Variants in GATAD2B observed in about 807,000 individuals in gnomAD.
The protein encoded by GATAD2B is GATA zinc finger domain containing 2B.
Under a neutral mutation model 64.3 loss-of-function variants are expected in GATAD2B, and 8 were observed. That is an observed-to-expected ratio of 0.12 (90% CI 0.07 to 0.22). GATAD2B has a LOEUF of 0.22. Among genes scored for constraint, GATAD2B ranks in the 10% least tolerant of loss-of-function variants. The pLI, the probability that GATAD2B is intolerant of heterozygous loss-of-function variation, is 1.00. For synonymous variants in GATAD2B, 281 were observed against 271.3 expected (o/e 1.04, Z -0.35); for missense variants, 453 against 752.0 (o/e 0.60, Z 4.65).
rs1003920068 is a variant in GATAD2B at position 153,804,936 on chromosome 1, A to G, written c.*5241T>C. On this transcript the variant is annotated 3_prime_UTR_variant, in exon 11 of 11. Coordinates refer to ENST00000368655, the MANE Select transcript of GATAD2B (RefSeq NM_020699.4). ...TCTTAGTTTTTTCATTTTATTTCCC[A>G]AACACAATGCAGAAAATCAGAATGA... The G allele has an allele frequency of 1.6e-4, 25 of 152,314 alleles. No individual in the cohort carries two copies. Among genetic ancestry groups the G allele is most frequent in the African/African-American group, 5.3e-4 (22 of 41,454 alleles). The allele number at this position is 152,314 out of a possible 1,614,324, so 9.4% of individuals were successfully genotyped here. A position where few individuals can be genotyped will look rare whatever the true frequency, so the allele number is the denominator to read the frequency against.
chr1:153,881,269 T>C (rs1233391615), intron 1 of GATAD2B, among the ~76,000 whole-genome samples: 2 of 151,120 alleles, frequency 1.3e-5, no homozygotes, highest in Non-Finnish European at 2.9e-5. Context: ...AGGGGAGGGG[T>C]AGAGAGGGTA....
intron 1 of GATAD2B, among the ~76,000 whole-genome samples, chr1:153,830,594 GC>G (rs1675045969): frequency 6.8e-6 from 1 of 147,470 alleles, no homozygotes; most frequent in Non-Finnish European, 1.5e-5. Context: ...TCCTGCCTCA[GC>G]CTCCCAAGTA....
chr1:153,876,227 C>CA lies in GATAD2B; in HGVS notation c.-2+46505dup, dbSNP rs71093296. ...TGGGCAACACAGTGAGACTTCGTCT[C>CA]AAAAAAAAAAAAAAAAAAAAAAAAA... On this transcript the variant is annotated intron_variant, in intron 1 of 10. Transcript: ENST00000368655. Among the ~76,000 whole-genome samples, 319 of 48,424 alleles carry CA rather than the reference C, an allele frequency of 6.6e-3. 65 individuals are homozygous for CA. Among genetic ancestry groups the CA allele is most frequent in the Non-Finnish European group, 8.1e-3 (231 of 28,610 alleles). 31.8% of individuals were successfully genotyped at this position (48,424 alleles called of 152,430 possible).
intron 1 of GATAD2B, among the ~76,000 whole-genome samples, chr1:153,844,668 A>G (rs1403880410): frequency 6.7e-6 from 1 of 149,500 alleles, no homozygotes; most frequent in African/African-American, 2.5e-5. Flanking sequence ...AAGAACAAAA[A>G]ACCAAACACC....
chr1:153,822,726 T>C (rs1251672461), intron 2 of GATAD2B, among the ~76,000 whole-genome samples: 2 of 152,174 alleles, frequency 1.3e-5, no homozygotes, highest in African/African-American at 2.4e-5. Flanking sequence ...CTCAAACTCC[T>C]GACCTCGTGA....
intron 1 of GATAD2B, among the ~76,000 whole-genome samples, chr1:153,915,129 G>A (rs559443985): frequency 4.6e-5 from 7 of 152,084 alleles, no homozygotes; most frequent in South Asian, 4.2e-4. Flanking sequence ...AAGCTGAGGC[G>A]GGAGGATCAC....
intron 2 of GATAD2B, among the ~76,000 whole-genome samples, chr1:153,824,233 A>G (rs1674788234): frequency 7.4e-6 from 1 of 135,496 alleles, no homozygotes. Context: ...GCACTATGAC[A>G]GTGCTTGTGA....
intron 1 of GATAD2B, among the ~76,000 whole-genome samples, chr1:153,909,248 C>T (rs1359139423): frequency 6.6e-6 from 1 of 151,732 alleles, no homozygotes. Flanking sequence ...GAGTCTTGCT[C>T]TGTCGCCCAG....
At position 153,819,620 on chromosome 1, in the gene GATAD2B, A is replaced by T; in HGVS notation, c.451T>A (p.Leu151Ile). The stretch of plus-strand genomic sequence containing the variant: ...TTTCTTTTTACCTTAAACATCTCTA[A>T]GTTGGCTGCTTTGAGTCTTTCTTCC... ...RMEERLKAAN[L>I]EMFKGKGIEE... Residue 151 changes from leucine to isoleucine, a missense_variant, in exon 3 of 11, where the codon TTA becomes ATA. Leu to Ile is a conservative substitution (Grantham distance 5, BLOSUM62 2). Coordinates refer to ENST00000368655, the MANE Select transcript of GATAD2B (RefSeq NM_020699.4). 6.2e-7 allele frequency: 1 copy of T among 1,604,522 alleles called. No homozygotes were observed. Among genetic ancestry groups the T allele is most frequent in the Non-Finnish European group, 8.5e-7 (1 of 1,176,290 alleles).
At chr1:153,915,225 G>A (rs1678227128) in intron 1 of GATAD2B, among the ~76,000 whole-genome samples, 1 of 152,116 alleles carries the variant, frequency 6.6e-6, no homozygotes, top group African/African-American at 2.4e-5. Context: ...AAGAGATCAA[G>A]ACCAGCCTGG....
intron 1 of GATAD2B, among the ~76,000 whole-genome samples, chr1:153,872,289 A>C (rs1676697318): frequency 6.7e-6 from 1 of 149,808 alleles, no homozygotes; most frequent in South Asian, 2.1e-4. Context: ...TCTGCACTCC[A>C]ACCTGGGTGA....
intron 1 of GATAD2B, among the ~76,000 whole-genome samples, chr1:153,863,177 T>C (rs1676370408): frequency 1.3e-5 from 2 of 152,070 alleles, no homozygotes; most frequent in Non-Finnish European, 1.5e-5. Context: ...CTCCAAACTT[T>C]CACAAAGAAA....
chr1:153,922,425 G>A (rs1337649429), intron 1 of GATAD2B, among the ~76,000 whole-genome samples: 5 of 151,306 alleles, frequency 3.3e-5, no homozygotes, highest in Non-Finnish European at 7.4e-5. Context: ...ACGAAATGAA[G>A]GGACACGAGC....
intron 1 of GATAD2B, among the ~76,000 whole-genome samples, chr1:153,904,865 T>C (rs1677879697): frequency 1.3e-5 from 2 of 151,936 alleles, no homozygotes; most frequent in Admixed American, 1.3e-4. Context: ...TGCCACCACA[T>C]CTGGCTAATT....
At chr1:153,837,660 G>A (rs1447837340) in intron 1 of GATAD2B, among the ~76,000 whole-genome samples, 1 of 152,048 alleles carries the variant, frequency 6.6e-6, no homozygotes, top group Non-Finnish European at 1.5e-5. Flanking sequence ...GATCTTTTTA[G>A]GGTGATCGGA....
At chr1:153,822,748 C>T (rs1204287291) in intron 2 of GATAD2B, among the ~76,000 whole-genome samples, 2 of 152,190 alleles carry the variant, frequency 1.3e-5, no homozygotes, top group Non-Finnish European at 2.9e-5. Flanking sequence ...CCGCCCGCCT[C>T]AGCCTCCCAA....
rs1481466931 is a variant in GATAD2B at position 153,818,068 on chromosome 1, A to G, written c.701T>C (p.Val234Ala). 3.1e-6 allele frequency: 5 copies of G among 1,611,668 alleles called. No homozygotes were observed. The highest frequency in any genetic ancestry group is 3.4e-6 in the Non-Finnish European group (4 of 1,179,114). ...KLPSRPGAQGVEPQNLRTLQG... is the reference protein window; with the variant it reads ...KLPSRPGAQGAEPQNLRTLQG... ...TAATGTTCTCAAATTTTGAGGTTCA[A>G]CCCCTTGGGCCCCAGGCCGAGAGGG... is the stretch of plus-strand genomic sequence containing the variant. Residue 234 changes from valine (V) to alanine (A), a missense_variant, in exon 5 of 11, where the codon GTT becomes GCT. By Grantham distance (64) the Val-to-Ala change is moderately conservative. Coordinates refer to ENST00000368655, the MANE Select transcript of GATAD2B (RefSeq NM_020699.4).
At position 153,813,310 on chromosome 1, in the gene GATAD2B, T is replaced by C; in HGVS notation, c.1359A>G (p.Leu453=). The change falls in exon 8 of 11, where the codon CTA becomes CTG. Residue 453 remains leucine (L), a synonymous_variant. Coordinates refer to ENST00000368655, the MANE Select transcript of GATAD2B (RefSeq NM_020699.4). ...TCAGCCGGTTGGTGTGTTCAGCTTT[T>C]AGAGCCTTTTTCTGGTTGGAGGTCA... ...QCMTSNQKKA[L]KAEHTNRLKN... The C allele has an allele frequency of 6.2e-7, 1 of 1,614,242 alleles. No homozygotes were observed. Among genetic ancestry groups the C allele is most frequent in the Middle Eastern group, 1.6e-4 (1 of 6,062 alleles).
At chr1:153,915,039 A>G (rs895556832) in intron 1 of GATAD2B, among the ~76,000 whole-genome samples, 3 of 152,018 alleles carry the variant, frequency 2.0e-5, no homozygotes, top group African/African-American at 7.3e-5. Context: ...CCTGGCCAAC[A>G]TGGCAAAACT....
Sources: allele counts gnomAD v4.1 joint callset (sites outside exome capture counted in the v4.1 genomes callset), GRCh38; gene constraint gnomAD v4.1.1; transcripts MANE v1.5; gene names NCBI Gene and HGNC (gene_info 2026-07-23, HGNC 2026-07-21).